OSTM1: variants seen among roughly 807,000 people sequenced by gnomAD.
The protein encoded by OSTM1 is osteoclastogenesis associated transmembrane protein 1.
OSTM1 carries 26 observed loss-of-function variants against 35.4 expected under a neutral mutation model. The ratio of observed to expected loss-of-function variants is 0.73; its 90% CI spans 0.54 to 1.02. The LOEUF is 1.02. Ranked by LOEUF, OSTM1 falls within the 50% of genes least tolerant of loss-of-function variation. The probability of loss-of-function intolerance (pLI) is 0.00; values close to 1 mark genes in which losing one functional copy is unlikely to be tolerated. For synonymous variants in OSTM1, 181 were observed against 165.0 expected (o/e 1.10, Z -0.75); for missense variants, 366 against 409.6 (o/e 0.89, Z 0.92).
chr6:108,054,418 A>G, intron 3 of OSTM1, 72 bp downstream of exon 3: 1 of 690,808 alleles, frequency 1.4e-6, no homozygotes, highest in Non-Finnish European at 2.5e-6. Context: ...TTAGTGCTCT[A>G]AAAACTTGGA....
At chr6:108,049,484 T>C (rs1772040329) in intron 4 of OSTM1, 66 bp from the exon 5 acceptor site, 1 of 1,592,316 alleles carries the variant, frequency 6.3e-7, no homozygotes, top group Non-Finnish European at 8.6e-7. Flanking sequence ...CTTATAATTA[T>C]TTTGCTAATA....
intron 2 of OSTM1, among the ~76,000 whole-genome samples, chr6:108,057,721 G>A (rs1042450645): frequency 3.9e-5 from 6 of 152,210 alleles, no homozygotes; most frequent in African/African-American, 1.4e-4. Context: ...AAAGCATAAA[G>A]CAGTTCATTT....
intron 1 of OSTM1, among the ~76,000 whole-genome samples, chr6:108,067,851 A>T (rs893836363): frequency 1.4e-5 from 2 of 147,900 alleles, no homozygotes; most frequent in Non-Finnish European, 3.0e-5. Flanking sequence ...AAAAAAAAAA[A>T]TAGAGAAAGA....
chr6:108,056,426 C>T (rs939588313), intron 2 of OSTM1, among the ~76,000 whole-genome samples: 6 of 152,156 alleles, frequency 3.9e-5, no homozygotes, highest in African/African-American at 9.7e-5. Context: ...GTTCAAGACT[C>T]GGAATCTACA....
At chr6:108,052,882 T>C (rs1772103910) in intron 3 of OSTM1, among the ~76,000 whole-genome samples, 1 of 152,202 alleles carries the variant, frequency 6.6e-6, no homozygotes, top group African/African-American at 2.4e-5. Context: ...TCAGATAAGA[T>C]GCACTCAAAA....
intron 1 of OSTM1, among the ~76,000 whole-genome samples, chr6:108,072,708 T>C (rs1272304632): frequency 1.3e-5 from 2 of 151,916 alleles, no homozygotes; most frequent in Non-Finnish European, 2.9e-5. Context: ...ATTTATTTAA[T>C]GCAAATAAAT....
Position 108,064,174 on chromosome 6 carries a change from G to C in OSTM1, c.517+11C>G. The C allele has an allele frequency of 1.5e-6, 2 of 1,299,930 alleles. No individual in the cohort carries two copies. Among genetic ancestry groups the C allele is most frequent in the Non-Finnish European group, 2.2e-6 (2 of 896,210 alleles). 80.5% of individuals were successfully genotyped at this position (1,299,930 alleles called of 1,614,324 possible). The stretch of plus-strand genomic sequence containing the variant: ...CCATAACTGCAACATGAAAATGAAA[G>C]AATTACTTACTTGCACAATTTGCCT... On this transcript the variant is annotated intron_variant, in intron 2 of 5. Coordinates refer to ENST00000193322, the MANE Select transcript of OSTM1 (RefSeq NM_014028.4).
intron 4 of OSTM1, 124 bp from the exon 5 acceptor site, chr6:108,049,542 C>T (rs1319348156): frequency 1.3e-6 from 2 of 1,501,984 alleles, no homozygotes; most frequent in Non-Finnish European, 1.8e-6. Context: ...CTCTAAAAAC[C>T]TACTGATAGT....
chr6:108,074,629 G>A lies in OSTM1; in HGVS notation c.23C>T (p.Ala8Val). The A allele has an allele frequency of 6.4e-7, 1 of 1,557,852 alleles. No individual in the cohort carries two copies. Among genetic ancestry groups the A allele is most frequent in the South Asian group, 1.2e-5 (1 of 86,002 alleles). The change falls in exon 1 of 6, where the codon GCG becomes GTG. Residue 8 changes from alanine to valine, a missense_variant. Coordinates refer to ENST00000193322, the MANE Select transcript of OSTM1 (RefSeq NM_014028.4). ...CGGCGGCAACGAACACCTCCGCTGC[G>A]CGGCTGTCGGGCCCGGCTCCATCAC... MEPGPTA[A>V]QRRCSLPPWL...
At chr6:108,060,508 AG>A (rs1772254105) in intron 2 of OSTM1, among the ~76,000 whole-genome samples, 1 of 152,150 alleles carries the variant, frequency 6.6e-6, no homozygotes, top group South Asian at 2.1e-4. Flanking sequence ...GCTTGAGTCT[AG>A]GAATCCGAGA....
intron 5 of OSTM1, among the ~76,000 whole-genome samples, chr6:108,048,519 A>C (rs1383324171): frequency 6.6e-6 from 1 of 152,150 alleles, no homozygotes; most frequent in Non-Finnish European, 1.5e-5. Flanking sequence ...CTACGATTCC[A>C]ATTTGTTCAC....
chr6:108,055,863 G>A (rs1002522083), intron 2 of OSTM1, among the ~76,000 whole-genome samples: 1 of 152,112 alleles, frequency 6.6e-6, no homozygotes, highest in Non-Finnish European at 1.5e-5. Flanking sequence ...CTCATCTCTA[G>A]TCCCAGCCCT....
At chr6:108,066,207 T>A (rs181553352) in intron 1 of OSTM1, among the ~76,000 whole-genome samples, 113 of 152,204 alleles carry the variant, frequency 7.4e-4, no homozygotes, top group African/African-American at 2.6e-3. Flanking sequence ...GAGGAATACA[T>A]CTTTAGGCCG....
intron 1 of OSTM1, among the ~76,000 whole-genome samples, chr6:108,067,828 TAAAAAAA>T (rs60932026): frequency 3.9e-5 from 3 of 77,802 alleles, no homozygotes; most frequent in Non-Finnish European, 7.6e-5. Flanking sequence ...AGCCTCTGTC[TAAAAAAA>T]AAAAAAAAAA....
intron 2 of OSTM1, among the ~76,000 whole-genome samples, chr6:108,055,739 TA>T (rs756104806): frequency 2.6e-5 from 4 of 152,226 alleles, no homozygotes; most frequent in Non-Finnish European, 4.4e-5. Flanking sequence ...ACAGAAATTC[TA>T]AAATGATAAT....
Position 108,073,983 on chromosome 6 carries a change from C to G in OSTM1, c.402+267G>C, listed in dbSNP as rs4946896. On this transcript the variant is annotated intron_variant, in intron 1 of 5. Transcript: ENST00000193322. ...CGTGGTGGAGTGGGTGGAGGAAGAG[C>G]AAGAGGGTTGGGGAATCAGGACCCC... Among the ~76,000 whole-genome samples, 141,750 of 152,114 alleles carry G rather than the reference C, an allele frequency of 0.93. 66,226 individuals carry two copies. The highest frequency in any genetic ancestry group is 0.98 in the African/African-American group (40,797 of 41,492).
intron 3 of OSTM1, among the ~76,000 whole-genome samples, chr6:108,051,785 G>A (rs1345215538): frequency 3.3e-5 from 5 of 152,120 alleles, no homozygotes; most frequent in African/African-American, 4.8e-5. Context: ...AAATACCAAA[G>A]AATTGTATAA....
Position 108,044,877 on chromosome 6 carries a change from T to G in OSTM1, c.950-37A>C, listed in dbSNP as rs1405952657. 8.5e-6 allele frequency: 9 copies of G among 1,062,112 alleles called. No homozygotes were observed. In the African/African-American group the frequency reaches 1.4e-4, roughly 17 times the overall value. 65.8% of individuals were successfully genotyped at this position (1,062,112 alleles called of 1,614,324 possible). A position where few individuals can be genotyped will look rare whatever the true frequency, so the allele number is the denominator to read the frequency against. On this transcript the variant is annotated intron_variant, in intron 5 of 5. Transcript: ENST00000193322. The stretch of plus-strand genomic sequence containing the variant: ...AAAAGAATTATATTTTAATTTAAAT[T>G]TAATTATCAAACATGATTATTTACT...
At chr6:108,064,371 C>T in intron 1 of OSTM1, 72 bp from the exon 2 acceptor site, 3 of 818,774 alleles carry the variant, frequency 3.7e-6, no homozygotes, top group Non-Finnish European at 6.4e-6. Flanking sequence ...GAGGCAAAAA[C>T]CTTACAAAAA....
Sources: allele counts gnomAD v4.1 joint callset (sites outside exome capture counted in the v4.1 genomes callset), GRCh38; gene constraint gnomAD v4.1.1; transcripts MANE v1.5; gene names NCBI Gene and HGNC (gene_info 2026-07-23, HGNC 2026-07-21).